NECTIN3: variants seen among roughly 807,000 people sequenced by gnomAD.
NECTIN3 encodes the protein nectin-3.
NECTIN3 carries 8 observed loss-of-function variants against 49.4 expected under a neutral mutation model. The ratio of observed to expected loss-of-function variants is 0.16; its 90% CI spans 0.10 to 0.29. The LOEUF is 0.29. Ranked by LOEUF, NECTIN3 falls within the 10% of genes least tolerant of loss-of-function variation. The probability of loss-of-function intolerance (pLI) is 1.00; values close to 1 mark genes in which losing one functional copy is unlikely to be tolerated. For synonymous variants in NECTIN3, 277 were observed against 241.1 expected, an observed-to-expected ratio of 1.15 and a Z score of -1.38; for missense variants, 581 against 654.6, an observed-to-expected ratio of 0.89 and a Z score of 1.23.
intron 4 of NECTIN3, among the ~76,000 whole-genome samples, chr3:111,124,871 C>T (rs2034096689): frequency 6.6e-6 from 1 of 152,094 alleles, no homozygotes; most frequent in Non-Finnish European, 1.5e-5. Flanking sequence ...TTCTGTATCT[C>T]AGCACCACCA....
chr3:111,100,160 G>GC (rs963746016), intron 1 of NECTIN3, among the ~76,000 whole-genome samples: 2 of 152,072 alleles, frequency 1.3e-5, no homozygotes, highest in African/African-American at 2.4e-5. Context: ...CTTTGAAACA[G>GC]CAAGTTTGAG....
exon 1 of NECTIN3, chr3:111,192,377 G>A: frequency 6.5e-7 from 1 of 1,535,952 alleles, no homozygotes; most frequent in South Asian, 1.2e-5. Context: ...TGCAGACTCA[G>A]TTCAAAGAAA....
chr3:111,168,888 G>A (rs1559816687), intron 7 of NECTIN3, among the ~76,000 whole-genome samples: 1 of 152,108 alleles, frequency 6.6e-6, no homozygotes, highest in Non-Finnish European at 1.5e-5. Context: ...CGTTAGATCT[G>A]CATTTATTAA....
chr3:111,187,961 T>C (rs985948717), upstream of NECTIN3, among the ~76,000 whole-genome samples: 1 of 152,192 alleles, frequency 6.6e-6, no homozygotes, highest in Non-Finnish European at 1.5e-5. Flanking sequence ...TGTGAGAAGG[T>C]GCATCACTGG....
rs113401434 is a variant in NECTIN3 at position 111,161,812 on chromosome 3, G to A, written c.1221+14328G>A. Among the ~76,000 whole-genome samples, 486 of 152,194 alleles carry A rather than the reference G, an allele frequency of 3.2e-3. 4 individuals carry two copies. The highest frequency in any genetic ancestry group is 0.011 in the African/African-American group (457 of 41,528). ...AGGTGATTAAACAGATCTTACATAA[G>A]AGAAATCCACCTTAGCATTTTATCT... On this transcript the variant is annotated intron_variant, in intron 7 of 8. Coordinates refer to the NECTIN3 transcript ENST00000493615.
intron 2 of NECTIN3, among the ~76,000 whole-genome samples, chr3:111,118,264 ATATATATATATATATATAT>A (rs1207792798): frequency 1.5e-5 from 2 of 137,872 alleles, no homozygotes; most frequent in African/African-American, 5.1e-5. Flanking sequence ...ATATATATAT[ATATATATATATATATATAT>A]TATACATATA....
Position 111,118,905 on chromosome 3 carries a change from C to T in NECTIN3, c.752C>T (p.Pro251Leu). ...CGAATTACTTGTGTTGTAAAACATC[C>T]AGCCTTGGAAAAGGACATCCGATAC... The part of the protein sequence containing the change: ...GRRITCVVKH[P>L]ALEKDIRYSF... The change falls in exon 3 of 6, where the codon CCA becomes CTA. Residue 251 changes from proline (P) to leucine (L), a missense_variant. Transcript: ENST00000485303. The T allele has an allele frequency of 6.2e-7, 1 of 1,614,080 alleles. No individual in the cohort carries two copies. Among genetic ancestry groups the T allele is most frequent in the Non-Finnish European group, 8.5e-7 (1 of 1,179,974 alleles).
At chr3:111,171,814 A>G (rs1302959779) in intron 7 of NECTIN3, among the ~76,000 whole-genome samples, 4 of 152,188 alleles carry the variant, frequency 2.6e-5, no homozygotes, top group Admixed American at 6.5e-5. Context: ...TTTTCTTCGA[A>G]CAATTCACTT....
chr3:111,142,816 T>A (rs1267021780), intron 5 of NECTIN3, among the ~76,000 whole-genome samples: 1 of 151,790 alleles, frequency 6.6e-6, no homozygotes, highest in Non-Finnish European at 1.5e-5. Context: ...ACCTTTACGG[T>A]ATTAACATTG....
chr3:111,146,412 C>T (rs1335281364), intron 6 of NECTIN3, among the ~76,000 whole-genome samples: 14 of 137,466 alleles, frequency 1.0e-4, no homozygotes, highest in Non-Finnish European at 1.7e-4. Context: ...CCAGCCTGGG[C>T]GACAGAGCGA....
At chr3:111,094,186 CAAAA>C (rs200284641) in intron 1 of NECTIN3, among the ~76,000 whole-genome samples, 2 of 149,964 alleles carry the variant, frequency 1.3e-5, no homozygotes, top group Non-Finnish European at 3.0e-5. Flanking sequence ...AAAGACAAAA[CAAAA>C]AAAAACTGTG....
chr3:111,091,137 C>T (rs978617772), intron 1 of NECTIN3, among the ~76,000 whole-genome samples: 4 of 152,074 alleles, frequency 2.6e-5, no homozygotes, highest in African/African-American at 9.7e-5. Context: ...TCCCATTTTA[C>T]CTCACTGCTC....
intron 1 of NECTIN3, among the ~76,000 whole-genome samples, chr3:111,099,793 G>A (rs2032798742): frequency 6.6e-6 from 1 of 152,090 alleles, no homozygotes; most frequent in Non-Finnish European, 1.5e-5. Context: ...AAATCATATA[G>A]CCTTGTACAT....
intron 1 of NECTIN3, among the ~76,000 whole-genome samples, chr3:111,101,587 T>G (rs1439675835): frequency 1.3e-5 from 2 of 152,184 alleles, no homozygotes; most frequent in Non-Finnish European, 2.9e-5. Context: ...TGAACTTCTA[T>G]TCTAGAATTG....
intron 1 of NECTIN3, among the ~76,000 whole-genome samples, chr3:111,102,571 A>G (rs1013480181): frequency 2.0e-5 from 3 of 152,244 alleles, no homozygotes; most frequent in African/African-American, 7.2e-5. Flanking sequence ...CTGTAATTCA[A>G]GATCAGTAAC....
upstream of NECTIN3, among the ~76,000 whole-genome samples, chr3:111,189,924 G>T (rs371502715): frequency 4.6e-5 from 7 of 152,296 alleles, no homozygotes; most frequent in East Asian, 1.4e-3. Context: ...GACAGCAGCA[G>T]TCACTGGAGA....
At chr3:111,141,963 A>G (rs997793358), downstream of NECTIN3, among the ~76,000 whole-genome samples, 2 of 151,794 alleles carry the variant, frequency 1.3e-5, no homozygotes, top group Admixed American at 6.6e-5. Context: ...TGAAGTATGT[A>G]TATGTTTATT....
intron 7 of NECTIN3, among the ~76,000 whole-genome samples, chr3:111,155,463 C>T (rs1019795004): frequency 6.6e-6 from 1 of 152,118 alleles, no homozygotes; most frequent in African/African-American, 2.4e-5. Context: ...AATTTCAGAG[C>T]ACCTGGTAGC....
intron 1 of NECTIN3, chr3:111,192,440 C>G (rs2035829187): frequency 1.3e-6 from 2 of 1,514,596 alleles, no homozygotes; most frequent in African/African-American, 2.8e-5. Flanking sequence ...TCGGTATCAG[C>G]CCAGGTGGAG....
Sources: gnomAD v4.1 joint callset for allele counts (sites outside exome capture counted in the v4.1 genomes callset) on GRCh38, gnomAD v4.1.1 for gene constraint, MANE v1.5 for transcripts, NCBI Gene and HGNC (gene_info 2026-07-23, HGNC 2026-07-21) for gene names.